Variants in SEMA4F observed in about 807,000 individuals in gnomAD.
The protein encoded by SEMA4F is ssemaphorin 4F.
Under a neutral mutation model 78.4 loss-of-function variants are expected in SEMA4F, and 51 were observed. The ratio of observed to expected loss-of-function variants is 0.65; its 90% CI spans 0.52 to 0.82. The LOEUF (loss-of-function observed/expected upper bound fraction) is 0.82, where lower values mean the gene tolerates loss of function less well. Among genes scored for constraint, SEMA4F ranks in the 40% least tolerant of loss-of-function variants. The probability of loss-of-function intolerance (pLI) is 0.00; values close to 1 mark genes in which losing one functional copy is unlikely to be tolerated. For missense variants in SEMA4F, 938 were observed against 1,014.4 expected (o/e 0.92, Z 1.02); for synonymous variants, 418 against 408.7 (o/e 1.02, Z -0.27).
At chr2:74,678,112 T>C (rs1558735653) in intron 12 of SEMA4F, among the ~76,000 whole-genome samples, 1 of 152,212 alleles carries the variant, frequency 6.6e-6, no homozygotes, top group African/African-American at 2.4e-5. Context: ...GGGGGAGAAC[T>C]TTTAAACATC....
chr2:74,706,823 T>C, the SEMA4F span, among the ~76,000 whole-genome samples: 1 of 135,084 alleles, frequency 7.4e-6, no homozygotes, highest in African/African-American at 3.3e-5. Context: ...TTATACTCCA[T>C]TGAGCACTTC....
intron 5 of SEMA4F, among the ~76,000 whole-genome samples, chr2:74,671,602 A>G (rs80270422): frequency 0.029 from 4,379 of 152,246 alleles, 186 homozygotes; most frequent in African/African-American, 0.09. Context: ...CTTTCATGTC[A>G]TGACTTAAGC....
chr2:74,654,647 A>G (rs1299369816), intron 1 of SEMA4F, 126 bp downstream of exon 1: 2 of 790,820 alleles, frequency 2.5e-6, no homozygotes, highest in East Asian at 6.8e-5. Context: ...CACGCCGCCC[A>G]CGCCCCGCCG....
In SEMA4F at chr2:74,680,935, C is replaced by T. The variant is rs1006232044; in HGVS notation, c.*726C>T. 4.6e-5 allele frequency: 7 copies of T among 152,662 alleles called. No homozygotes were observed. Among genetic ancestry groups the T allele is most frequent in the African/African-American group, 1.4e-4 (6 of 41,436 alleles). The allele number at this position is 152,662 out of a possible 1,614,324, so 9.5% of individuals were successfully genotyped here. ...GGAACTGAAACACTGCCCCTCTCCCCATTGCCCCACAACCTTACTCTAAAT... is the reference window on the plus strand; with the variant it reads ...GGAACTGAAACACTGCCCCTCTCCCTATTGCCCCACAACCTTACTCTAAAT... On this transcript the variant is annotated 3_prime_UTR_variant, in exon 14 of 14. Transcript: ENST00000357877.
intron 12 of SEMA4F, among the ~76,000 whole-genome samples, chr2:74,677,428 A>G (rs778965809): frequency 3.3e-5 from 5 of 152,174 alleles, no homozygotes; most frequent in Non-Finnish European, 5.9e-5. Flanking sequence ...CTAACATACA[A>G]GGGCTTTAAA....
At chr2:74,700,820 G>A in the SEMA4F span, among the ~76,000 whole-genome samples, 4 of 152,150 alleles carry the variant, frequency 2.6e-5, no homozygotes, top group Non-Finnish European at 2.9e-5. Context: ...ACAGAAGGAA[G>A]GTGAAGAGAC....
intron 5 of SEMA4F, among the ~76,000 whole-genome samples, chr2:74,664,633 T>G (rs1338576737): frequency 6.6e-6 from 1 of 152,222 alleles, no homozygotes; most frequent in Non-Finnish European, 1.5e-5. Context: ...TTCACCAGAA[T>G]GTATTGTTGT....
At position 74,679,333 on chromosome 2, in the gene SEMA4F, A is replaced by AGGTCTGTAT; in HGVS notation, c.1702+11_1702+19dup. The AGGTCTGTAT allele has an allele frequency of 4.3e-6, 7 of 1,611,638 alleles. No individual in the cohort carries two copies. The highest frequency in any genetic ancestry group is 5.9e-6 in the Non-Finnish European group (7 of 1,177,708). On this transcript the variant is annotated inframe_insertion and splice_region_variant, in exon 13 of 14. Transcript: ENST00000357877. ...CCTCTTTGTGTCCTAAAGAGCCTGGAGGTCTGTATGGTCTGTATGGATTAG... is the reference window on the plus strand; with the variant it reads ...CCTCTTTGTGTCCTAAAGAGCCTGGAGGTCTGTATGGTCTGTATGGTCTGTATGGATTAG...
At chr2:74,679,381 G>A (rs565570940) in intron 13 of SEMA4F, 47 bp downstream of exon 13, 5 of 1,530,834 alleles carry the variant, frequency 3.3e-6, no homozygotes, top group African/African-American at 1.4e-5. Flanking sequence ...GGAGTGGATG[G>A]AAAGGGGCTA....
rs751915854 is a variant in SEMA4F at position 74,673,765 on chromosome 2, G to A, written c.759G>A (p.Glu253=). The A allele has an allele frequency of 2.5e-6, 4 of 1,614,074 alleles. No homozygotes were observed. Among genetic ancestry groups the A allele is most frequent in the Non-Finnish European group, 3.4e-6 (4 of 1,180,054 alleles). Residue 253 remains glutamate, a synonymous_variant, in exon 7 of 14, where the codon GAG becomes GAA. Coordinates refer to ENST00000357877, the MANE Select transcript of SEMA4F (RefSeq NM_004263.5). Reference sequence around the variant, plus strand: ...ACGAAATCTACTTCTTCTTTACGGAGACTTCCCGAGCATTTGACTCATACG... The same window carrying A: ...ACGAAATCTACTTCTTCTTTACGGAAACTTCCCGAGCATTTGACTCATACG... ...GDDEIYFFFT[E]TSRAFDSYER...
Position 74,676,342 on chromosome 2 carries a change from T to C in SEMA4F, c.1643+433T>C, listed in dbSNP as rs376032463. ...AGGGTTCAGTCCTGGACCCATTCTC[T>C]TCACACGTTCATGCACTCTCTAGGC... is the stretch of plus-strand genomic sequence containing the variant. On this transcript the variant is annotated intron_variant, in intron 12 of 13. Coordinates refer to ENST00000357877, the MANE Select transcript of SEMA4F (RefSeq NM_004263.5). 1.3e-3 allele frequency among the ~76,000 whole-genome samples: 193 copies of C among 152,334 alleles called. 2 individuals are homozygous for C. Among genetic ancestry groups the C allele is most frequent in the African/African-American group, 4.5e-3 (186 of 41,576 alleles).
chr2:74,674,115 AC>A (rs1348925358), intron 7 of SEMA4F, among the ~76,000 whole-genome samples: 1 of 152,206 alleles, frequency 6.6e-6, no homozygotes, highest in African/African-American at 2.4e-5. Context: ...TCCCTGCCCT[AC>A]CCACCATTTA....
In SEMA4F at chr2:74,675,749, A is replaced by G. The variant is rs542927977; in HGVS notation, c.1483A>G (p.Ser495Gly). ...CCCCTTCCCCACTCCGTTTTTATAG[A>G]GCTGGCTCCTGGTTGGCTCCCGTAC... ...QPVENMKLYH[S>G]WLLVGSRTEV... Residue 495 changes from serine to glycine, a missense_variant and splice_region_variant, in exon 12 of 14, where the codon AGC (serine) becomes GGC (glycine). Ser to Gly is a moderately conservative substitution (Grantham distance 56). Transcript: ENST00000357877. 1.4e-3 allele frequency: 2,253 copies of G among 1,613,982 alleles called. 41 individuals are homozygous for G. The South Asian group carries it at 0.023, about 17-fold the overall frequency.
rs2104994221 is a variant in SEMA4F at position 74,674,360 on chromosome 2, T to A, written c.823-138T>A. 4 of 711,076 alleles carry A rather than the reference T, an allele frequency of 5.6e-6. No homozygotes were observed. The South Asian group carries it at 5.7e-5, about 10-fold the overall frequency. The allele number at this position is 711,076 out of a possible 1,614,324, so 44.0% of individuals were successfully genotyped here. A position where few individuals can be genotyped will look rare whatever the true frequency, so the allele number is the denominator to read the frequency against. ...CCCGCAGCTACTCTGTGTGGCTCTCTGTCCTTGCATTTGTATGTATCTGTC... is the reference window on the plus strand; with the variant it reads ...CCCGCAGCTACTCTGTGTGGCTCTCAGTCCTTGCATTTGTATGTATCTGTC... On this transcript the variant is annotated intron_variant, in intron 7 of 13. Coordinates refer to ENST00000357877, the MANE Select transcript of SEMA4F (RefSeq NM_004263.5).
chr2:74,677,104 G>A (rs1055066324), intron 12 of SEMA4F, among the ~76,000 whole-genome samples: 10 of 152,084 alleles, frequency 6.6e-5, no homozygotes, highest in Non-Finnish European at 2.9e-5. Flanking sequence ...GTTTCACTAC[G>A]TTGGCCAGGC....
the SEMA4F span, among the ~76,000 whole-genome samples, chr2:74,698,345 A>G: frequency 1.3e-5 from 2 of 152,236 alleles, no homozygotes; most frequent in Non-Finnish European, 2.9e-5. Flanking sequence ...GCAAGAAAAT[A>G]TAAGTATGAT....
intron 12 of SEMA4F, among the ~76,000 whole-genome samples, chr2:74,678,215 G>A (rs1299613946): frequency 6.6e-6 from 1 of 152,178 alleles, no homozygotes; most frequent in African/African-American, 2.4e-5. Context: ...CTATACTTGA[G>A]CCTCAAGGAT....
chr2:74,665,470 C>T (rs1043111581), intron 5 of SEMA4F, among the ~76,000 whole-genome samples: 4 of 152,070 alleles, frequency 2.6e-5, no homozygotes, highest in Non-Finnish European at 5.9e-5. Flanking sequence ...ACCTCGTGAT[C>T]TGCCCACCTC....
At chr2:74,702,187 C>T in the SEMA4F span, among the ~76,000 whole-genome samples, 2 of 152,162 alleles carry the variant, frequency 1.3e-5, no homozygotes, top group Non-Finnish European at 2.9e-5. Flanking sequence ...GTCAACTCCC[C>T]AATTTATATC....
Sources: allele counts gnomAD v4.1 joint callset (sites outside exome capture counted in the v4.1 genomes callset), GRCh38; gene constraint gnomAD v4.1.1; transcripts MANE v1.5; gene names NCBI Gene and HGNC (gene_info 2026-07-23, HGNC 2026-07-21).